The following DGKG variants were observed in gnomAD, a reference collection of about 807,000 sequenced individuals.
DGKG encodes the protein DAG kinase gamma.
DGKG carries 78 observed loss-of-function variants against 105.3 expected under a neutral mutation model. That is an observed-to-expected ratio of 0.74 (90% CI 0.62 to 0.89). The LOEUF is 0.89. Ranked by LOEUF, DGKG falls within the 40% of genes least tolerant of loss-of-function variation. The probability of loss-of-function intolerance (pLI) is 0.00; values close to 1 mark genes in which losing one functional copy is unlikely to be tolerated. For synonymous variants in DGKG, 346 were observed against 367.1 expected, an observed-to-expected ratio of 0.94 and a Z score of 0.66; for missense variants, 958 against 1,020.1, an observed-to-expected ratio of 0.94 and a Z score of 0.83.
rs1305402842 is a variant in DGKG, at chr3:186,284,228, C to T, written c.594+432G>A. On this transcript the variant is annotated intron_variant, in intron 7 of 24. Transcript: ENST00000265022. The surrounding 1 kb of genome is among the most constrained non-coding windows in gnomAD (Gnocchi z 4.0). ...AGCAGCCTCCTTCCTCTGAAATCAG[C>T]AGTAACCAGCAGCCTCCTTCCTTGC... Among the ~76,000 whole-genome samples the T allele has an allele frequency of 2.0e-5, 3 of 151,994 alleles. No individual in the cohort carries two copies. The highest frequency in any genetic ancestry group is 2.9e-5 in the Non-Finnish European group (2 of 67,984).
chr3:186,239,116 A>C (rs1007697385), intron 20 of DGKG, among the ~76,000 whole-genome samples: 9 of 152,196 alleles, frequency 5.9e-5, no homozygotes, highest in Non-Finnish European at 8.8e-5. Flanking sequence ...TCTTGTTAGA[A>C]TAGCCAAGAA....
chr3:186,162,311 G>A (rs1419638338), intron 23 of DGKG, among the ~76,000 whole-genome samples: 1 of 152,240 alleles, frequency 6.6e-6, no homozygotes, highest in African/African-American at 2.4e-5. Context: ...GGGATACAGT[G>A]GCCAGTGAGC....
rs983432986 is a variant in DGKG at position 186,148,682 on chromosome 3, TCAA to T, written c.*1405_*1407del. ...AAAAGTCTCTGAACTTTTCTGAGACTCAATTTTCTTATCTGACAAATGGGAGAG... is the reference window on the plus strand; with the variant it reads ...AAAAGTCTCTGAACTTTTCTGAGACTTTTTCTTATCTGACAAATGGGAGAG... On this transcript the variant is annotated 3_prime_UTR_variant, in exon 25 of 25. Transcript: ENST00000265022. 3 of 984,744 alleles carry T rather than the reference TCAA, an allele frequency of 3.0e-6. No individual in the cohort carries two copies. Among genetic ancestry groups the T allele is most frequent in the Admixed American group, 6.1e-5 (1 of 16,266 alleles). The allele number at this position is 984,744 out of a possible 1,614,324, so 61.0% of individuals were successfully genotyped here.
intron 22 of DGKG, among the ~76,000 whole-genome samples, chr3:186,177,007 C>T (rs543172435): frequency 6.6e-6 from 1 of 152,304 alleles, no homozygotes; most frequent in South Asian, 2.1e-4. Context: ...GAGGAATCAC[C>T]TGTGTGGCAG....
intron 21 of DGKG, 80 bp downstream of exon 21, chr3:186,211,715 G>C (rs116513224): frequency 1.9e-6 from 2 of 1,071,860 alleles, no homozygotes; most frequent in Non-Finnish European, 2.9e-6. Flanking sequence ...AAGGTCCCAA[G>C]AGGATACATC....
intron 9 of DGKG, among the ~76,000 whole-genome samples, chr3:186,277,318 T>C (rs1267367068): frequency 6.6e-6 from 1 of 152,214 alleles, no homozygotes; most frequent in East Asian, 1.9e-4. Context: ...TAAAAAGTGT[T>C]TGTTGACGTG....
chr3:186,185,209 C>T (rs1391404845), intron 22 of DGKG, among the ~76,000 whole-genome samples: 1 of 152,184 alleles, frequency 6.6e-6, no homozygotes, highest in African/African-American at 2.4e-5. Context: ...ACTCAACTTA[C>T]ATGAGATCAT....
intron 9 of DGKG, among the ~76,000 whole-genome samples, chr3:186,277,269 T>A (rs1372553754): frequency 1.3e-5 from 2 of 152,258 alleles, no homozygotes; most frequent in Non-Finnish European, 2.9e-5. Context: ...TTCATTAAAT[T>A]CTTATTCCAT....
At chr3:186,296,188 C>A (rs1723554340) in intron 5 of DGKG, among the ~76,000 whole-genome samples, 1 of 150,786 alleles carries the variant, frequency 6.6e-6, no homozygotes. Flanking sequence ...ATTTATCAAA[C>A]ATTTACTGTG....
In DGKG at chr3:186,164,955, T is replaced by A; in HGVS notation, c.2159A>T (p.Tyr720Phe). The A allele has an allele frequency of 1.2e-6, 2 of 1,614,008 alleles. No homozygotes were observed. The change falls in exon 23 of 25, where the codon TAC (tyrosine) becomes TTC (phenylalanine). Residue 720 changes from tyrosine to phenylalanine, a missense_variant. Coordinates refer to ENST00000265022, the MANE Select transcript of DGKG (RefSeq NM_001346.3). ...LEGAMEMGQI[Y>F]TGLKSAGRRL... ...CCTGCCTGCACTCTTCAGGCCGGTG[T>A]AGATCTGCCCCATCTCCATGGCTCC...
chr3:186,263,476 A>G (rs1721885639), intron 14 of DGKG, among the ~76,000 whole-genome samples: 1 of 152,048 alleles, frequency 6.6e-6, no homozygotes, highest in Non-Finnish European at 1.5e-5. Context: ...CTGAGGCAGG[A>G]GAATCGCTTG....
At chr3:186,244,958 G>T (rs1174729916) in intron 19 of DGKG, among the ~76,000 whole-genome samples, 1 of 151,948 alleles carries the variant, frequency 6.6e-6, no homozygotes, top group African/African-American at 2.4e-5. Context: ...TAAAATTCGA[G>T]AAAATATTCC....
intron 1 of DGKG, among the ~76,000 whole-genome samples, chr3:186,328,191 T>A (rs1427929025): frequency 6.6e-6 from 1 of 152,244 alleles, no homozygotes; most frequent in Non-Finnish European, 1.5e-5. Context: ...GTCACTTCTT[T>A]TCTATAGCTT....
Position 186,303,706 on chromosome 3 carries a change from G to A in DGKG, c.144+3195C>T, listed in dbSNP as rs539782997. Reference sequence around the variant, plus strand: ...TGCCTCTTTTGCTTTTCTGGGTTTTGCCCACTCTCTAGCTGTCTGCCACCA... The same window carrying A: ...TGCCTCTTTTGCTTTTCTGGGTTTTACCCACTCTCTAGCTGTCTGCCACCA... On this transcript the variant is annotated intron_variant, in intron 3 of 24. Coordinates refer to ENST00000265022, the MANE Select transcript of DGKG (RefSeq NM_001346.3). Among the ~76,000 whole-genome samples the A allele has an allele frequency of 1.1e-4, 17 of 152,182 alleles. 1 individual carries two copies. In the Middle Eastern group the frequency reaches 0.01, roughly 91 times the overall value.
In DGKG at chr3:186,284,662, C is replaced by G. The variant is rs1469239694; in HGVS notation, c.592G>C (p.Ala198Pro). ...DSDENGLLDQ[A>P]EMDCIVNQML... ...GGATATTTAGAGTGAGAACTTACCGCTTGGTCCAGGAGACCGTTCTCATCT... is the reference window on the plus strand; with the variant it reads ...GGATATTTAGAGTGAGAACTTACCGGTTGGTCCAGGAGACCGTTCTCATCT... The change falls in exon 7 of 25, where the codon GCG becomes CCG. Residue 198 changes from alanine to proline, a missense_variant and splice_region_variant. Ala to Pro is a conservative substitution (Grantham distance 27). Coordinates refer to ENST00000265022, the MANE Select transcript of DGKG (RefSeq NM_001346.3). This position sits in a 1 kb window ranked among gnomAD's most constrained non-coding sequence, Gnocchi z 4.0. The G allele has an allele frequency of 6.2e-7, 1 of 1,613,634 alleles. No individual in the cohort carries two copies.
chr3:186,293,733 C>T (rs1424640535), intron 5 of DGKG, among the ~76,000 whole-genome samples: 1 of 152,212 alleles, frequency 6.6e-6, no homozygotes, highest in African/African-American at 2.4e-5. Flanking sequence ...TAAGCTCTTT[C>T]CCTGGCTTCC....
At position 186,314,748 on chromosome 3, in the gene DGKG, C is replaced by T. The variant is rs554342999; in HGVS notation, c.67+5645G>A. On this transcript the variant is annotated intron_variant, in intron 2 of 24. Transcript: ENST00000265022. ...CAGGCTAGGTGACAGAGTAAGACTCCGTCTCAAAAAAAAAAAAAAAAAAAA... is the reference window on the plus strand; with the variant it reads ...CAGGCTAGGTGACAGAGTAAGACTCTGTCTCAAAAAAAAAAAAAAAAAAAA... Among the ~76,000 whole-genome samples the T allele has an allele frequency of 3.7e-4, 50 of 133,404 alleles. 2 individuals are homozygous for T. In the South Asian group the frequency reaches 0.011, roughly 29 times the overall value. 87.5% of individuals were successfully genotyped at this position (133,404 alleles called of 152,430 possible).
chr3:186,224,479 A>C (rs1280781666), intron 20 of DGKG, among the ~76,000 whole-genome samples: 1 of 152,236 alleles, frequency 6.6e-6, no homozygotes, highest in Non-Finnish European at 1.5e-5. Context: ...GACAGGAGAA[A>C]GAGTCTGTAA....
intron 20 of DGKG, among the ~76,000 whole-genome samples, chr3:186,219,116 T>G (rs1719441731): frequency 6.7e-6 from 1 of 150,262 alleles, no homozygotes; most frequent in African/African-American, 2.5e-5. Flanking sequence ...TTTGGAAGCT[T>G]AGTGATTATG....
Sources: allele counts gnomAD v4.1 joint callset (sites outside exome capture counted in the v4.1 genomes callset), GRCh38; gene constraint gnomAD v4.1.1; non-coding constraint Gnocchi (gnomAD v3.1); transcripts MANE v1.5; gene names NCBI Gene and HGNC (gene_info 2026-07-23, HGNC 2026-07-21).